Variants in ZNF536 observed in about 807,000 individuals in gnomAD.
The protein encoded by ZNF536 is zinc finger protein 536.
ZNF536 carries 13 observed loss-of-function variants against 84.5 expected under a neutral mutation model. The observed-to-expected ratio is 0.15, with a 90% CI of 0.10 to 0.24. The LOEUF (loss-of-function observed/expected upper bound fraction) is 0.24, where lower values mean the gene tolerates loss of function less well. Among genes scored for constraint, ZNF536 ranks in the 10% least tolerant of loss-of-function variants. The probability of loss-of-function intolerance (pLI) is 1.00; values close to 1 mark genes in which losing one functional copy is unlikely to be tolerated. For missense variants in ZNF536, 1,536 were observed against 1,747.5 expected, an observed-to-expected ratio of 0.88 and a Z score of 2.16; for synonymous variants, 811 against 742.5, an observed-to-expected ratio of 1.09 and a Z score of -1.50.
chr19:30,275,454 C>T (rs2026075740), intron 1 of ZNF536, among the ~76,000 whole-genome samples: 1 of 152,190 alleles, frequency 6.6e-6, no homozygotes, highest in Non-Finnish European at 1.5e-5. Flanking sequence ...CTGGCTGTGT[C>T]TGACCGGCGG....
intron 2 of ZNF536, among the ~76,000 whole-genome samples, chr19:30,490,699 C>T (rs1157888414): frequency 2.0e-5 from 3 of 152,112 alleles, no homozygotes; most frequent in African/African-American, 7.2e-5. Flanking sequence ...TCCTAGGGCA[C>T]CCCAAGATGA....
At chr19:30,243,830 A>AT (rs944073303) in intron 1 of ZNF536, among the ~76,000 whole-genome samples, 19 of 152,314 alleles carry the variant, frequency 1.2e-4, no homozygotes, top group African/African-American at 3.8e-4. Context: ...GCAGAAAATG[A>AT]TTTTTTTGAT....
intron 1 of ZNF536, among the ~76,000 whole-genome samples, chr19:30,690,576 A>G (rs968826754): frequency 4.6e-5 from 7 of 152,160 alleles, no homozygotes; most frequent in Non-Finnish European, 1.0e-4. Flanking sequence ...ATTCACTGGC[A>G]CTAAATGGCT....
upstream of ZNF536, among the ~76,000 whole-genome samples, chr19:30,369,169 A>T (rs971591603): frequency 6.6e-6 from 1 of 152,098 alleles, no homozygotes; most frequent in Non-Finnish European, 1.5e-5. Flanking sequence ...ATCTATAATG[A>T]GTTTATTAGT....
intron 2 of ZNF536, among the ~76,000 whole-genome samples, chr19:30,527,376 C>T (rs2044631951): frequency 6.6e-6 from 1 of 151,912 alleles, no homozygotes; most frequent in East Asian, 1.9e-4. Flanking sequence ...GGAAAACATG[C>T]CACCTCTCTA....
At chr19:30,443,333 A>T (rs2052152171) in intron 1 of ZNF536, among the ~76,000 whole-genome samples, 1 of 152,264 alleles carries the variant, frequency 6.6e-6, no homozygotes, top group Non-Finnish European at 1.5e-5. Context: ...CTGTAAATAG[A>T]AAATACAAGG....
chr19:30,562,007 C>G (rs1235450676), downstream of ZNF536, among the ~76,000 whole-genome samples: 1 of 152,170 alleles, frequency 6.6e-6, no homozygotes, highest in Non-Finnish European at 1.5e-5. Context: ...AGTGCATGGC[C>G]TCTCAGCTTA....
At chr19:30,430,048 G>GGGGA (rs2051383746) in intron 1 of ZNF536, among the ~76,000 whole-genome samples, 1 of 151,944 alleles carries the variant, frequency 6.6e-6, no homozygotes, top group African/African-American at 2.4e-5. Context: ...GTGAAGGGTG[G>GGGGA]GGGAGGGGAT....
chr19:30,302,082 GTA>G (rs2046204505), intron 2 of ZNF536, among the ~76,000 whole-genome samples: 1 of 148,322 alleles, frequency 6.7e-6, no homozygotes, highest in African/African-American at 2.5e-5. Context: ...ATCACTGTTT[GTA>G]TATAATATTT....
chr19:30,466,284 G>A (rs1198014421), intron 2 of ZNF536, among the ~76,000 whole-genome samples: 3 of 151,438 alleles, frequency 2.0e-5, no homozygotes, highest in Non-Finnish European at 4.4e-5. Context: ...GCTCACGTCT[G>A]TAATCCCAGC....
At chr19:30,455,945 C>T (rs1333429469) in intron 2 of ZNF536, among the ~76,000 whole-genome samples, 14 of 152,272 alleles carry the variant, frequency 9.2e-5, no homozygotes, top group Admixed American at 7.8e-4. Flanking sequence ...TGTCATTGAA[C>T]ATTTCCCACC....
At chr19:30,280,828 A>G (rs890481659) in intron 1 of ZNF536, among the ~76,000 whole-genome samples, 3 of 152,106 alleles carry the variant, frequency 2.0e-5, no homozygotes, top group Non-Finnish European at 2.9e-5. Flanking sequence ...CTCTGGGACG[A>G]TATGGGAGGG....
intron 2 of ZNF536, among the ~76,000 whole-genome samples, chr19:30,462,392 T>C (rs1600840891): frequency 6.6e-6 from 1 of 151,876 alleles, no homozygotes; most frequent in Non-Finnish European, 1.5e-5. Context: ...TGTCTTGGGG[T>C]GGTGATGCTG....
intron 1 of ZNF536, among the ~76,000 whole-genome samples, chr19:30,282,376 C>T (rs1356387402): frequency 6.6e-6 from 1 of 151,544 alleles, no homozygotes; most frequent in Non-Finnish European, 1.5e-5. Context: ...GAGCATAGAA[C>T]CTGAGGGGTT....
Position 30,444,275 on chromosome 19 carries a change from G to T in ZNF536, c.713G>T (p.Cys238Phe). The change falls in exon 2 of 5, where the codon TGC becomes TTC. Residue 238 changes from cysteine (C) to phenylalanine (F), a missense_variant. Coordinates refer to ENST00000355537, the MANE Select transcript of ZNF536 (RefSeq NM_014717.3). ...PHAQQAPLAACTLALQANHSV... is the reference protein window; with the variant it reads ...PHAQQAPLAAFTLALQANHSV... ...GCCCAGCAGGCCCCGCTGGCCGCCT[G>T]CACCCTGGCCCTGCAGGCTAACCAC... The T allele has an allele frequency of 6.4e-7, 1 of 1,563,368 alleles. No homozygotes were observed. Among genetic ancestry groups the T allele is most frequent in the East Asian group, 2.4e-5 (1 of 42,438 alleles).
chr19:30,565,045 A>C (rs1369908575), intron 1 of ZNF536, among the ~76,000 whole-genome samples: 1 of 152,042 alleles, frequency 6.6e-6, no homozygotes, highest in Non-Finnish European at 1.5e-5. Context: ...ATTAAGATGC[A>C]CTTCTGTTTG....
chr19:30,347,861 A>G (rs577223020), intron 2 of ZNF536, among the ~76,000 whole-genome samples: 9 of 152,316 alleles, frequency 5.9e-5, no homozygotes, highest in Admixed American at 4.6e-4. Flanking sequence ...GTGTGCTTTG[A>G]AACATTGGAG....
At chr19:30,568,881 T>C (rs1407154020) in intron 1 of ZNF536, among the ~76,000 whole-genome samples, 2 of 152,200 alleles carry the variant, frequency 1.3e-5, no homozygotes, top group African/African-American at 4.8e-5. Flanking sequence ...ACCATGGTCT[T>C]CACCAGCCCT....
At chr19:30,612,710 G>A (rs2048144016) in intron 1 of ZNF536, among the ~76,000 whole-genome samples, 3 of 152,136 alleles carry the variant, frequency 2.0e-5, no homozygotes, top group Non-Finnish European at 4.4e-5. Context: ...TAAAAAGATA[G>A]TATGAGGAGT....
Sources: gnomAD v4.1 joint callset for allele counts (sites outside exome capture counted in the v4.1 genomes callset) on GRCh38, gnomAD v4.1.1 for gene constraint, MANE v1.5 for transcripts, NCBI Gene and HGNC (gene_info 2026-07-23, HGNC 2026-07-21) for gene names.